The following PDSS2 variants were observed in gnomAD, a reference collection of about 807,000 sequenced individuals.
PDSS2 encodes the protein decaprenyl diphosphate synthase subunit 2.
PDSS2 carries 31 observed loss-of-function variants against 44.5 expected under a neutral mutation model. That is an observed-to-expected ratio of 0.70 (90% CI 0.52 to 0.94). PDSS2 has a LOEUF of 0.94. Ranked by LOEUF, PDSS2 falls within the 40% of genes least tolerant of loss-of-function variation. PDSS2 has a pLI of 0.00. For missense variants in PDSS2, 452 were observed against 482.2 expected (o/e 0.94, Z 0.59); for synonymous variants, 157 against 180.3 (o/e 0.87, Z 1.03).
chr6:107,255,830 ATTTC>A (rs1382176959), intron 3 of PDSS2, among the ~76,000 whole-genome samples: 2 of 152,146 alleles, frequency 1.3e-5, no homozygotes, highest in Non-Finnish European at 2.9e-5. Context: ...AGAGGTATTT[ATTTC>A]TTTATCACTT....
chr6:107,234,171 T>C (rs1774148327), intron 4 of PDSS2, among the ~76,000 whole-genome samples: 1 of 152,100 alleles, frequency 6.6e-6, no homozygotes, highest in African/African-American at 2.4e-5. Context: ...TTCCTTTCCA[T>C]ATTCTCCAAT....
intron 2 of PDSS2, among the ~76,000 whole-genome samples, chr6:107,332,492 T>C (rs1777743735): frequency 6.6e-6 from 1 of 152,190 alleles, no homozygotes; most frequent in Admixed American, 6.5e-5. Context: ...GTTTTCCATT[T>C]AAAAGTTTTT....
intron 1 of PDSS2, among the ~76,000 whole-genome samples, chr6:107,430,374 T>G (rs1005187812): frequency 2.6e-5 from 4 of 151,862 alleles, no homozygotes; most frequent in South Asian, 2.1e-4. Flanking sequence ...GTGGCGTGCA[T>G]CTATAATCTC....
intron 1 of PDSS2, among the ~76,000 whole-genome samples, chr6:107,431,388 T>C (rs1012448541): frequency 1.3e-5 from 2 of 152,188 alleles, no homozygotes; most frequent in Non-Finnish European, 2.9e-5. Flanking sequence ...GAGTTGGGAC[T>C]ACAGGTGCAT....
chr6:107,446,496 C>A (rs1346923181), intron 1 of PDSS2, among the ~76,000 whole-genome samples: 2 of 152,186 alleles, frequency 1.3e-5, no homozygotes, highest in South Asian at 2.1e-4. Flanking sequence ...CATCTTTTAA[C>A]CTGCATTTAT....
chr6:107,284,853 T>A (rs1278189040), intron 2 of PDSS2, among the ~76,000 whole-genome samples: 2 of 152,200 alleles, frequency 1.3e-5, no homozygotes, highest in Non-Finnish European at 2.9e-5. Flanking sequence ...ACAATTACTG[T>A]ATGCTGAACA....
At chr6:107,289,643 C>A (rs1037972386) in intron 2 of PDSS2, among the ~76,000 whole-genome samples, 2 of 151,884 alleles carry the variant, frequency 1.3e-5, no homozygotes, top group Non-Finnish European at 2.9e-5. Context: ...CTGCAGTCAG[C>A]CAAGATCATG....
chr6:107,301,792 T>C (rs1776702825), intron 2 of PDSS2, among the ~76,000 whole-genome samples: 1 of 151,854 alleles, frequency 6.6e-6, no homozygotes, highest in Non-Finnish European at 1.5e-5. Flanking sequence ...TGAAACCTCA[T>C]CTCTACTAAA....
intron 7 of PDSS2, among the ~76,000 whole-genome samples, chr6:107,166,924 T>C (rs146477887): frequency 6.6e-5 from 10 of 152,302 alleles, no homozygotes; most frequent in Non-Finnish European, 1.3e-4. Flanking sequence ...TCAGGGATAT[T>C]GGTCTAAAAT....
intron 2 of PDSS2, among the ~76,000 whole-genome samples, chr6:107,308,406 C>T (rs916133014): frequency 8.6e-5 from 13 of 152,008 alleles, no homozygotes; most frequent in African/African-American, 9.7e-5. Context: ...CTTTTATCGA[C>T]GACTATGTAT....
intron 4 of PDSS2, among the ~76,000 whole-genome samples, chr6:107,216,772 ATG>A (rs1773426424): frequency 6.6e-6 from 1 of 152,110 alleles, no homozygotes; most frequent in Admixed American, 6.5e-5. Context: ...AGAGCAATGA[ATG>A]TGTGTGTGTT....
chr6:107,264,463 TCA>T (rs1775347040), intron 3 of PDSS2: 1 of 1,549,486 alleles, frequency 6.5e-7, no homozygotes, highest in Admixed American at 2.0e-5. Flanking sequence ...CCAGGCTGAC[TCA>T]CAGTCTCCCA....
chr6:107,221,263 A>C (rs1054513866), intron 4 of PDSS2, among the ~76,000 whole-genome samples: 1 of 143,914 alleles, frequency 6.9e-6, no homozygotes, highest in African/African-American at 2.6e-5. Context: ...AATGGCGTGA[A>C]CCTGGGAGGC....
At chr6:107,183,230 A>C (rs1772047031) in intron 7 of PDSS2, among the ~76,000 whole-genome samples, 1 of 151,064 alleles carries the variant, frequency 6.6e-6, no homozygotes, top group East Asian at 1.9e-4. Flanking sequence ...AAAAAGTTAC[A>C]TAGTTGCACC....
At chr6:107,338,900 T>TGC (rs1449040003) in intron 1 of PDSS2, among the ~76,000 whole-genome samples, 4 of 152,030 alleles carry the variant, frequency 2.6e-5, no homozygotes, top group African/African-American at 9.7e-5. Context: ...TAATTTTTTT[T>TGC]TTCTTTTAGA....
intron 2 of PDSS2, among the ~76,000 whole-genome samples, chr6:107,331,916 A>G (rs1341485295): frequency 6.6e-5 from 10 of 152,072 alleles, no homozygotes; most frequent in African/African-American, 2.4e-4. Context: ...AAAGGGTCAA[A>G]GTCAGCAGAC....
intron 1 of PDSS2, among the ~76,000 whole-genome samples, chr6:107,414,032 GA>G (rs1780586822): frequency 6.6e-6 from 1 of 152,092 alleles, no homozygotes; most frequent in South Asian, 2.1e-4. Flanking sequence ...TATTTTTTAA[GA>G]AAAAAGAAAC....
chr6:107,412,233 CTTTTT>C (rs1169549611), intron 1 of PDSS2, among the ~76,000 whole-genome samples: 1 of 73,406 alleles, frequency 1.4e-5, no homozygotes, highest in African/African-American at 5.0e-5. Context: ...GTCCTTTGCT[CTTTTT>C]TTTTTTTTTT....
At chr6:107,402,418 A>G (rs1780137136) in intron 1 of PDSS2, among the ~76,000 whole-genome samples, 1 of 25,876 alleles carries the variant, frequency 3.9e-5, no homozygotes, top group Admixed American at 4.4e-4. Flanking sequence ...GATATACCAG[A>G]GACTGGGTAA....
Sources: allele counts gnomAD v4.1 joint callset (sites outside exome capture counted in the v4.1 genomes callset), GRCh38; gene constraint gnomAD v4.1.1; transcripts MANE v1.5; gene names NCBI Gene and HGNC (gene_info 2026-07-23, HGNC 2026-07-21).